The following PAQR8 variants were observed in gnomAD, a reference collection of about 807,000 sequenced individuals.
PAQR8 encodes progestin and adipoQ receptor family member 8.
In PAQR8, 17 loss-of-function variants were observed where a neutral mutation model predicts 25.2. The ratio of observed to expected loss-of-function variants is 0.67; its 90% CI spans 0.46 to 1.01. The LOEUF is 1.01. PAQR8 is among the 50% of genes least tolerant of loss of function. The probability of loss-of-function intolerance (pLI) is 0.00; values close to 1 mark genes in which losing one functional copy is unlikely to be tolerated. For missense variants in PAQR8, 392 were observed against 448.4 expected (o/e 0.87, Z 1.14); for synonymous variants, 204 against 190.6 (o/e 1.07, Z -0.58).
At chr6:52,392,367 A>C (rs1340260700) in intron 1 of PAQR8, among the ~76,000 whole-genome samples, 1 of 151,882 alleles carries the variant, frequency 6.6e-6, no homozygotes, top group Non-Finnish European at 1.5e-5. Flanking sequence ...AAAGTGTCAC[A>C]TAGTGATAGA....
At chr6:52,383,049 T>TA (rs1763581720) in intron 1 of PAQR8, among the ~76,000 whole-genome samples, 1 of 152,232 alleles carries the variant, frequency 6.6e-6, no homozygotes, top group Non-Finnish European at 1.5e-5. Flanking sequence ...GTGTTGGGAT[T>TA]ATTGGTGTGA....
intron 1 of PAQR8, among the ~76,000 whole-genome samples, chr6:52,373,855 T>TAA (rs1011191341): frequency 4.6e-5 from 7 of 152,270 alleles, no homozygotes; most frequent in Admixed American, 3.3e-4. Context: ...TGCTAGTTGA[T>TAA]ACGGTTTAGA....
chr6:52,403,256 A>G lies in PAQR8; in HGVS notation c.43A>G (p.Ser15Gly). The G allele has an allele frequency of 6.2e-7, 1 of 1,610,398 alleles. No individual in the cohort carries two copies. The highest frequency in any genetic ancestry group is 8.5e-7 in the Non-Finnish European group (1 of 1,177,382). Residue 15 changes from serine to glycine, a missense_variant, in exon 2 of 2, where the codon AGC becomes GGC. By Grantham distance (56) the Ser-to-Gly change is moderately conservative. Coordinates refer to ENST00000442253, the MANE Select transcript of PAQR8 (RefSeq NM_133367.5). ...GGAGCGCCTGAGCACCCTGTCGGTC[A>G]GCGGGCAGCAGCTGCGCCGCCTGCC... ...ILERLSTLSV[S>G]GQQLRRLPKI...
rs144840881 is a variant in PAQR8, at chr6:52,381,078, A to G, written c.-53+18829A>G. Reference sequence around the variant, plus strand: ...CCCACTGAACTTTGTGGGGAAATTAATATCTATGGATGGACAGGCACCTTT... The same window carrying G: ...CCCACTGAACTTTGTGGGGAAATTAGTATCTATGGATGGACAGGCACCTTT... On this transcript the variant is annotated intron_variant, in intron 1 of 1. Coordinates refer to ENST00000442253, the MANE Select transcript of PAQR8 (RefSeq NM_133367.5). Among the ~76,000 whole-genome samples, 509 of 152,332 alleles carry G rather than the reference A, an allele frequency of 3.3e-3. 2 individuals carry two copies. Among genetic ancestry groups the G allele is most frequent in the African/African-American group, 0.012 (498 of 41,574 alleles).
intron 1 of PAQR8, among the ~76,000 whole-genome samples, chr6:52,371,519 C>T (rs1191828771): frequency 1.3e-5 from 2 of 152,142 alleles, no homozygotes; most frequent in Admixed American, 1.3e-4. Flanking sequence ...GTGATCCATA[C>T]ATCCATCTCT....
At chr6:52,396,430 G>T (rs1481547635) in intron 1 of PAQR8, among the ~76,000 whole-genome samples, 1 of 152,186 alleles carries the variant, frequency 6.6e-6, no homozygotes, top group African/African-American at 2.4e-5. Flanking sequence ...GGGAGAGGAG[G>T]CTGGAATAGG....
At position 52,370,815 on chromosome 6, in the gene PAQR8, A is replaced by ATG. The variant is rs150532565; in HGVS notation, c.-53+8578_-53+8579dup. Among the ~76,000 whole-genome samples the ATG allele has an allele frequency of 2.8e-3, 425 of 152,178 alleles. 3 individuals carry two copies. The highest frequency in any genetic ancestry group is 9.0e-3 in the African/African-American group (375 of 41,536). On this transcript the variant is annotated intron_variant, in intron 1 of 1. Coordinates refer to ENST00000442253, the MANE Select transcript of PAQR8 (RefSeq NM_133367.5). ...TATCACTTGGCACCACTTCACATGT[A>ATG]TGTGTGTGTGTGTTTACTCCCTATC...
intron 1 of PAQR8, among the ~76,000 whole-genome samples, chr6:52,375,433 G>T (rs1414840134): frequency 6.6e-6 from 1 of 152,192 alleles, no homozygotes. Context: ...CTAGGGAGCA[G>T]ATCTCCTCAT....
intron 1 of PAQR8, among the ~76,000 whole-genome samples, chr6:52,397,697 T>G (rs1763782591): frequency 6.6e-6 from 1 of 152,230 alleles, no homozygotes; most frequent in Admixed American, 6.5e-5. Flanking sequence ...GAGGAAGATT[T>G]AAATTTCAGC....
chr6:52,372,107 G>C (rs1481754572), intron 1 of PAQR8, among the ~76,000 whole-genome samples: 1 of 152,128 alleles, frequency 6.6e-6, no homozygotes, highest in Non-Finnish European at 1.5e-5. Context: ...GGAGTGCATT[G>C]AACATTTTTT....
intron 1 of PAQR8, among the ~76,000 whole-genome samples, chr6:52,389,568 G>C (rs1205366319): frequency 2.0e-5 from 3 of 152,184 alleles, no homozygotes; most frequent in Non-Finnish European, 2.9e-5. Flanking sequence ...TGGTGATTTG[G>C]AATTGAACTA....
At chr6:52,377,154 G>A (rs1198253661) in intron 1 of PAQR8, among the ~76,000 whole-genome samples, 2 of 152,060 alleles carry the variant, frequency 1.3e-5, no homozygotes, top group African/African-American at 4.8e-5. Flanking sequence ...TATAATATTG[G>A]CTGTTAGACA....
intron 1 of PAQR8, among the ~76,000 whole-genome samples, chr6:52,377,317 A>C (rs1295692508): frequency 6.6e-6 from 1 of 152,034 alleles, no homozygotes; most frequent in Non-Finnish European, 1.5e-5. Context: ...TTGGTACCAG[A>C]AGGATTGTGG....
intron 1 of PAQR8, among the ~76,000 whole-genome samples, chr6:52,374,402 G>A (rs757000628): frequency 3.3e-5 from 5 of 151,712 alleles, no homozygotes; most frequent in Middle Eastern, 3.4e-3. Context: ...CCCTCTTTTC[G>A]TTTTGTTTCG....
At chr6:52,369,209 AG>A (rs1763389664) in intron 1 of PAQR8, among the ~76,000 whole-genome samples, 1 of 152,218 alleles carries the variant, frequency 6.6e-6, no homozygotes, top group Admixed American at 6.5e-5. Flanking sequence ...CACCTAGGGA[AG>A]ACCCAAGGCT....
chr6:52,379,916 C>T (rs999902586), intron 1 of PAQR8, among the ~76,000 whole-genome samples: 12 of 152,062 alleles, frequency 7.9e-5, no homozygotes, highest in Non-Finnish European at 1.3e-4. Flanking sequence ...CGTGAGCCAC[C>T]GCACCTGGCC....
chr6:52,374,627 T>A lies in PAQR8; in HGVS notation c.-53+12378T>A, dbSNP rs940400945. ...GTTGGTGCCCAGGTTGGTCTTGAAC[T>A]CCTGGGCTCAAGCCATTCTCCTGCC... is the stretch of plus-strand genomic sequence containing the variant. On this transcript the variant is annotated intron_variant, in intron 1 of 1. Transcript: ENST00000442253. Among the ~76,000 whole-genome samples, 5 of 152,140 alleles carry A rather than the reference T, an allele frequency of 3.3e-5. No homozygotes were observed. In the East Asian group the frequency reaches 9.6e-4, roughly 29 times the overall value.
intron 1 of PAQR8, 44 bp from the exon 2 acceptor site, chr6:52,403,118 C>T: frequency 2.0e-6 from 2 of 990,094 alleles, no homozygotes; most frequent in Middle Eastern, 3.2e-4. Flanking sequence ...TAGCTGCATT[C>T]GTGTCTCACT....
At chr6:52,365,312 A>T (rs958328646) in intron 1 of PAQR8, among the ~76,000 whole-genome samples, 1 of 149,946 alleles carries the variant, frequency 6.7e-6, no homozygotes. Context: ...ATCCCTTTTT[A>T]AAATTCGCAT....
Sources: allele counts gnomAD v4.1 joint callset (sites outside exome capture counted in the v4.1 genomes callset), GRCh38; gene constraint gnomAD v4.1.1; transcripts MANE v1.5; gene names NCBI Gene and HGNC (gene_info 2026-07-23, HGNC 2026-07-21).